MRPL13: variants seen among roughly 807,000 people sequenced by gnomAD.
MRPL13 encodes large ribosomal subunit protein uL13m.
In MRPL13, 33 loss-of-function variants were observed where a neutral mutation model predicts 29.0. The observed-to-expected ratio is 1.14, with a 90% confidence interval of 0.86 to 1.52. MRPL13 has a LOEUF of 1.52. MRPL13 is among the 40% of genes most tolerant of loss of function. The pLI is 0.00. For synonymous variants in MRPL13, 77 were observed against 68.4 expected, an observed-to-expected ratio of 1.13 and a Z score of -0.62; for missense variants, 227 against 216.7, an observed-to-expected ratio of 1.05 and a Z score of -0.30.
At chr8:120,409,362 T>A (rs941671834) in intron 6 of MRPL13, among the ~76,000 whole-genome samples, 6 of 152,206 alleles carry the variant, frequency 3.9e-5, no homozygotes, top group Admixed American at 3.9e-4. Flanking sequence ...ATGATCCAAG[T>A]TTTATTTGTA....
chr8:120,445,111 G>T lies in MRPL13; in HGVS notation c.-17C>A. On this transcript the variant is annotated 5_prime_UTR_variant, in exon 1 of 7. Transcript: ENST00000306185. ...ACTCGACATATTCCTCTACTAGCAG[G>T]ACCGTACGTCCTTCTCCTAGTAGCC... 1 of 1,613,912 alleles carries T rather than the reference G, an allele frequency of 6.2e-7. No individual in the cohort carries two copies. The highest frequency in any genetic ancestry group is 1.3e-5 in the African/African-American group (1 of 74,994).
At chr8:120,419,705 C>A in intron 5 of MRPL13, 147 bp downstream of exon 5, 1 of 451,964 alleles carries the variant, frequency 2.2e-6, no homozygotes, top group African/African-American at 2.1e-5. Flanking sequence ...ATTTTTTATA[C>A]ATACATATTC....
At chr8:120,440,140 C>G (rs1353875310) in intron 2 of MRPL13, among the ~76,000 whole-genome samples, 1 of 152,158 alleles carries the variant, frequency 6.6e-6, no homozygotes, top group Non-Finnish European at 1.5e-5. Flanking sequence ...TCAGGTGATA[C>G]ATGAACACTA....
intron 6 of MRPL13, among the ~76,000 whole-genome samples, chr8:120,403,181 AT>A (rs1812622463): frequency 6.6e-6 from 1 of 152,212 alleles, no homozygotes; most frequent in Non-Finnish European, 1.5e-5. Flanking sequence ...TCATTCTATT[AT>A]AAAGACAAAC....
chr8:120,426,253 G>A (rs1413851405), intron 3 of MRPL13, among the ~76,000 whole-genome samples: 1 of 151,994 alleles, frequency 6.6e-6, no homozygotes, highest in African/African-American at 2.4e-5. Flanking sequence ...AGTCAGTGTG[G>A]AATCTGCAAA....
chr8:120,441,889 G>A (rs768985764), intron 2 of MRPL13, among the ~76,000 whole-genome samples: 9 of 152,112 alleles, frequency 5.9e-5, no homozygotes, highest in Non-Finnish European at 1.3e-4. Context: ...ATTTTCAAAT[G>A]GTTGAATAAA....
At chr8:120,413,648 T>C (rs1159461406) in intron 6 of MRPL13, among the ~76,000 whole-genome samples, 1 of 152,214 alleles carries the variant, frequency 6.6e-6, no homozygotes, top group African/African-American at 2.4e-5. Flanking sequence ...TAGATAATAT[T>C]TTTAACTTAT....
chr8:120,427,530 G>C (rs1235833997), intron 3 of MRPL13, among the ~76,000 whole-genome samples: 1 of 152,092 alleles, frequency 6.6e-6, no homozygotes, highest in Non-Finnish European at 1.5e-5. Flanking sequence ...CTAGACACCA[G>C]CAACAGTCAA....
At chr8:120,416,548 T>C (rs1812806120) in intron 5 of MRPL13, among the ~76,000 whole-genome samples, 1 of 152,142 alleles carries the variant, frequency 6.6e-6, no homozygotes, top group Non-Finnish European at 1.5e-5. Context: ...CAGAGGTGGT[T>C]AACCTAAGGG....
At chr8:120,440,793 G>A (rs1278503636) in intron 2 of MRPL13, among the ~76,000 whole-genome samples, 1 of 151,844 alleles carries the variant, frequency 6.6e-6, no homozygotes, top group Admixed American at 6.6e-5. Context: ...GTTCTTGTAG[G>A]ACACACAGAA....
At chr8:120,412,082 C>A (rs1163820600) in intron 6 of MRPL13, among the ~76,000 whole-genome samples, 1 of 151,942 alleles carries the variant, frequency 6.6e-6, no homozygotes, top group Admixed American at 6.6e-5. Context: ...TGTATTTGCA[C>A]ATACATGATT....
intron 6 of MRPL13, among the ~76,000 whole-genome samples, chr8:120,403,052 A>G (rs1284135036): frequency 6.6e-6 from 1 of 152,214 alleles, no homozygotes; most frequent in African/African-American, 2.4e-5. Flanking sequence ...TGTTGGTGGG[A>G]GGGTAAATTA....
intron 5 of MRPL13, chr8:120,416,129 A>T (rs1812799455): frequency 6.6e-6 from 1 of 152,190 alleles, no homozygotes; most frequent in Non-Finnish European, 1.5e-5. Flanking sequence ...GAAGAGGGAG[A>T]AGTACCTCCT....
At chr8:120,430,114 T>C (rs2130477879) in intron 3 of MRPL13, among the ~76,000 whole-genome samples, 1 of 152,110 alleles carries the variant, frequency 6.6e-6, no homozygotes, top group South Asian at 2.1e-4. Context: ...ATACAAAAAT[T>C]AGCTGGGCAT....
chr8:120,429,953 G>C (rs1203479841), intron 3 of MRPL13, among the ~76,000 whole-genome samples: 1 of 152,040 alleles, frequency 6.6e-6, no homozygotes, highest in Non-Finnish European at 1.5e-5. Flanking sequence ...GTTCAGTATT[G>C]ACACAATTAA....
intron 5 of MRPL13, chr8:120,419,612 T>C (rs889931592): frequency 2.6e-5 from 7 of 264,446 alleles, no homozygotes; most frequent in East Asian, 7.9e-5. Context: ...CAAGCAGTGA[T>C]TAAAATTTTT....
At position 120,425,780 on chromosome 8, in the gene MRPL13, G is replaced by C. The variant is rs184003686; in HGVS notation, c.246-414C>G. Among the ~76,000 whole-genome samples, 518 of 152,194 alleles carry C rather than the reference G, an allele frequency of 3.4e-3. 3 individuals carry two copies. The highest frequency in any genetic ancestry group is 0.011 in the African/African-American group (474 of 41,554). Reference sequence around the variant, plus strand: ...AAATGTTGGTAGTCCACTTGGTTCTGAATTAAGTTCATACTCTAGACAGCC... The same window carrying C: ...AAATGTTGGTAGTCCACTTGGTTCTCAATTAAGTTCATACTCTAGACAGCC... On this transcript the variant is annotated intron_variant, in intron 3 of 6. Transcript: ENST00000306185.
At chr8:120,403,817 T>C (rs1016278733) in intron 6 of MRPL13, among the ~76,000 whole-genome samples, 1 of 152,162 alleles carries the variant, frequency 6.6e-6, no homozygotes, top group Non-Finnish European at 1.5e-5. Flanking sequence ...ATAGCCTACC[T>C]AAGAAGACTG....
At chr8:120,411,581 C>T (rs1353557647) in intron 6 of MRPL13, among the ~76,000 whole-genome samples, 1 of 152,144 alleles carries the variant, frequency 6.6e-6, no homozygotes, top group Non-Finnish European at 1.5e-5. Flanking sequence ...GACTAGTACA[C>T]CTATACTATC....
Sources: allele counts gnomAD v4.1 joint callset (sites outside exome capture counted in the v4.1 genomes callset), GRCh38; gene constraint gnomAD v4.1.1; transcripts MANE v1.5; gene names NCBI Gene and HGNC (gene_info 2026-07-23, HGNC 2026-07-21).